Variants in KCNH7 observed in about 807,000 individuals in gnomAD.
KCNH7 encodes the protein voltage-gated inwardly rectifying potassium channel KCNH7.
A neutral mutation model predicts 120.8 loss-of-function variants in KCNH7; 49 were observed. The ratio of observed to expected loss-of-function variants is 0.41; its 90% CI spans 0.32 to 0.51. KCNH7 has a LOEUF of 0.51. Ranked by LOEUF, KCNH7 falls within the 20% of genes least tolerant of loss-of-function variation. The probability of loss-of-function intolerance (pLI) is 0.38; values close to 1 mark genes in which losing one functional copy is unlikely to be tolerated. For missense variants in KCNH7, 1,097 were observed against 1,446.6 expected (o/e 0.76, Z 3.92); for synonymous variants, 547 against 516.1 (o/e 1.06, Z -0.81).
intron 2 of KCNH7, among the ~76,000 whole-genome samples, chr2:162,684,147 T>C (rs577221484): frequency 1.3e-5 from 2 of 152,138 alleles, no homozygotes; most frequent in African/African-American, 2.4e-5. Flanking sequence ...GCTAGCCATA[T>C]GCAGAAAACT....
At chr2:162,736,699 A>G (rs1687923535) in intron 2 of KCNH7, among the ~76,000 whole-genome samples, 1 of 152,138 alleles carries the variant, frequency 6.6e-6, no homozygotes, top group South Asian at 2.1e-4. Flanking sequence ...GACTGTTGTA[A>G]TGGTTAATCA....
At chr2:162,607,043 TA>T (rs754938513) in intron 2 of KCNH7, among the ~76,000 whole-genome samples, 1 of 151,986 alleles carries the variant, frequency 6.6e-6, no homozygotes, top group Non-Finnish European at 1.5e-5. Flanking sequence ...AAAACATGTA[TA>T]TATTATAACA....
At chr2:162,815,362 G>A (rs973955147) in intron 2 of KCNH7, among the ~76,000 whole-genome samples, 2 of 152,072 alleles carry the variant, frequency 1.3e-5, no homozygotes, top group African/African-American at 2.4e-5. Flanking sequence ...ATAAATATGT[G>A]TTCAATAAGC....
intron 9 of KCNH7, among the ~76,000 whole-genome samples, chr2:162,412,414 T>C (rs1025677505): frequency 1.5e-4 from 23 of 152,226 alleles, no homozygotes; most frequent in African/African-American, 5.5e-4. Context: ...ATTATAAAAA[T>C]TTCAGATGAT....
intron 2 of KCNH7, among the ~76,000 whole-genome samples, chr2:162,613,253 A>G (rs1007693149): frequency 1.3e-5 from 2 of 152,040 alleles, no homozygotes; most frequent in African/African-American, 4.8e-5. Context: ...ATTTTCTCCA[A>G]AAGACTATAA....
Position 162,729,161 on chromosome 2 carries a change from A to ATTTT in KCNH7, c.307+107375_307+107376insAAAA, listed in dbSNP as rs1203109189. ...GATTGTCATTTTGTCAATATACCCA[A>ATTTT]ATTTTTTTTTTTTTTTTTTTTTGAG... On this transcript the variant is annotated intron_variant, in intron 2 of 15. Transcript: ENST00000332142. Among the ~76,000 whole-genome samples, 35 of 137,360 alleles carry ATTTT rather than the reference A, an allele frequency of 2.5e-4. 1 individual carries two copies. In the East Asian group the frequency reaches 2.6e-3, roughly 10 times the overall value. The allele number at this position is 137,360 out of a possible 152,430, so 90.1% of individuals were successfully genotyped here. A position where few individuals can be genotyped will look rare whatever the true frequency, so the allele number is the denominator to read the frequency against.
chr2:162,755,700 A>C (rs1356954280), intron 2 of KCNH7, among the ~76,000 whole-genome samples: 1 of 152,152 alleles, frequency 6.6e-6, no homozygotes, highest in Non-Finnish European at 1.5e-5. Flanking sequence ...TTTCAATCCA[A>C]TACAGACATA....
intron 2 of KCNH7, among the ~76,000 whole-genome samples, chr2:162,747,562 G>A (rs546248845): frequency 2.6e-4 from 40 of 152,246 alleles, no homozygotes; most frequent in African/African-American, 7.5e-4. Flanking sequence ...GAGTGACAGC[G>A]AATGTGTAGG....
chr2:162,712,532 G>A (rs1389751303), intron 2 of KCNH7, among the ~76,000 whole-genome samples: 1 of 152,130 alleles, frequency 6.6e-6, no homozygotes, highest in African/African-American at 2.4e-5. Flanking sequence ...ACTCAGAATG[G>A]CTTAAAATAA....
chr2:162,501,979 G>A (rs1013467544), intron 6 of KCNH7: 1 of 152,022 alleles, frequency 6.6e-6, no homozygotes, highest in Admixed American at 6.6e-5. Flanking sequence ...AAAATGCAAA[G>A]CTTTTGATGG....
At chr2:162,526,230 AATAAG>A (rs758863656) in intron 3 of KCNH7, among the ~76,000 whole-genome samples, 525 of 152,046 alleles carry the variant, frequency 3.5e-3, no homozygotes, top group Non-Finnish European at 5.3e-3. Flanking sequence ...TTCACAAGGT[AATAAG>A]ATATCACAAG....
At chr2:162,566,886 C>A (rs184181462) in intron 2 of KCNH7, among the ~76,000 whole-genome samples, 3 of 151,852 alleles carry the variant, frequency 2.0e-5, no homozygotes, top group Non-Finnish European at 4.4e-5. Context: ...GATTGTCAGT[C>A]GAGCCTAGTC....
At chr2:162,494,533 T>A (rs1294012353) in intron 6 of KCNH7, among the ~76,000 whole-genome samples, 1 of 152,122 alleles carries the variant, frequency 6.6e-6, no homozygotes, top group East Asian at 1.9e-4. Flanking sequence ...GTTCCAAAAT[T>A]GTATGGGATG....
At chr2:162,683,584 A>T (rs1685785153) in intron 2 of KCNH7, among the ~76,000 whole-genome samples, 1 of 151,892 alleles carries the variant, frequency 6.6e-6, no homozygotes. Context: ...ATTGGGTCAC[A>T]TTAGGAAACT....
chr2:162,760,526 A>G (rs748694797), intron 2 of KCNH7, among the ~76,000 whole-genome samples: 55 of 152,044 alleles, frequency 3.6e-4, no homozygotes, highest in Non-Finnish European at 5.3e-4. Context: ...TAAGAGAATA[A>G]TCACTTAGTT....
intron 6 of KCNH7, among the ~76,000 whole-genome samples, chr2:162,469,859 G>T (rs764206067): frequency 5.4e-4 from 82 of 152,288 alleles, no homozygotes; most frequent in African/African-American, 1.9e-3. Context: ...GGCGCGCGCC[G>T]CCACGCCTGA....
At chr2:162,490,531 C>T (rs1261325287) in intron 6 of KCNH7, among the ~76,000 whole-genome samples, 1 of 152,162 alleles carries the variant, frequency 6.6e-6, no homozygotes, top group Non-Finnish European at 1.5e-5. Context: ...GCACAGGATG[C>T]CTGGAGGGTG....
At chr2:162,530,313 T>C (rs1362744554) in intron 3 of KCNH7, among the ~76,000 whole-genome samples, 1 of 152,062 alleles carries the variant, frequency 6.6e-6, no homozygotes, top group East Asian at 1.9e-4. Context: ...GCTTCTTGTG[T>C]AGTCATGTCA....
At position 162,838,676 on chromosome 2, in the gene KCNH7, C is replaced by T. The variant is rs1685746882; in HGVS notation, c.-158G>A. On this transcript the variant is annotated 5_prime_UTR_variant, in exon 1 of 16. Transcript: ENST00000332142. The stretch of plus-strand genomic sequence containing the variant: ...TCTTCCCATTAGCACCACTTCTAGA[C>T]ACCCGCTTTCCCCACCGGAGTCCAA... The T allele has an allele frequency of 1.8e-6, 1 of 570,008 alleles. No individual in the cohort carries two copies. The highest frequency in any genetic ancestry group is 3.2e-5 in the Admixed American group (1 of 31,232). The allele number at this position is 570,008 out of a possible 1,614,324, so 35.3% of individuals were successfully genotyped here.
Sources: allele counts gnomAD v4.1 joint callset (sites outside exome capture counted in the v4.1 genomes callset), GRCh38; gene constraint gnomAD v4.1.1; transcripts MANE v1.5; gene names NCBI Gene and HGNC (gene_info 2026-07-23, HGNC 2026-07-21).